Variants in JMJD1C observed in about 807,000 individuals in gnomAD.
JMJD1C encodes jumonji domain containing 1C, also known as jumonji domain-containing protein 1C.
Under a neutral mutation model 245.3 loss-of-function variants are expected in JMJD1C, and 31 were observed. The observed-to-expected ratio is 0.13, with a 90% CI of 0.09 to 0.17. The LOEUF (loss-of-function observed/expected upper bound fraction) is 0.17, where lower values mean the gene tolerates loss of function less well. JMJD1C is among the 10% of genes least tolerant of loss of function. The pLI, the probability that JMJD1C is intolerant of heterozygous loss-of-function variation, is 1.00. For missense variants in JMJD1C, 2,691 were observed against 3,000.2 expected (o/e 0.90, Z 2.41); for synonymous variants, 1,057 against 1,017.4 (o/e 1.04, Z -0.74).
chr10:63,277,278 C>A (rs1856885457), intron 2 of JMJD1C, among the ~76,000 whole-genome samples: 1 of 147,668 alleles, frequency 6.8e-6, no homozygotes, highest in Admixed American at 6.7e-5. Context: ...GGGCAACCGG[C>A]CTGAGCCACC....
At chr10:63,415,609 A>C (rs367842840) in intron 1 of JMJD1C, among the ~76,000 whole-genome samples, 3 of 152,232 alleles carry the variant, frequency 2.0e-5, no homozygotes, top group East Asian at 3.8e-4. Context: ...TGATAGGTAC[A>C]CACAGCCAAA....
At chr10:63,417,009 T>G (rs1429370915) in intron 1 of JMJD1C, among the ~76,000 whole-genome samples, 2 of 152,212 alleles carry the variant, frequency 1.3e-5, no homozygotes, top group Non-Finnish European at 2.9e-5. Context: ...ACTTTGCAAC[T>G]AATTCACATT....
chr10:63,426,660 C>CA (rs879781507), intron 1 of JMJD1C, among the ~76,000 whole-genome samples: 56 of 144,986 alleles, frequency 3.9e-4, no homozygotes, highest in East Asian at 1.2e-3. Flanking sequence ...GACTCCGTCT[C>CA]AAAAAAAAAA....
intron 1 of JMJD1C, among the ~76,000 whole-genome samples, chr10:63,515,651 C>T (rs1350331998): frequency 6.6e-6 from 1 of 152,266 alleles, no homozygotes; most frequent in Admixed American, 6.5e-5. Context: ...ATGTGGTTTG[C>T]CCTGTGACTT....
chr10:63,419,995 G>T (rs1460685428), intron 1 of JMJD1C, among the ~76,000 whole-genome samples: 5 of 151,884 alleles, frequency 3.3e-5, no homozygotes, highest in South Asian at 4.2e-4. Context: ...AATTAGCCGG[G>T]CATGATGGCG....
At chr10:63,293,628 C>T (rs1331621081) in intron 2 of JMJD1C, among the ~76,000 whole-genome samples, 4 of 152,102 alleles carry the variant, frequency 2.6e-5, no homozygotes, top group Non-Finnish European at 4.4e-5. Context: ...ATTCTGCATT[C>T]CTTTGAAACT....
At chr10:63,203,449 G>A in intron 10 of JMJD1C, 1 of 985,248 alleles carries the variant, frequency 1.0e-6, no homozygotes, top group Non-Finnish European at 1.2e-6. Context: ...ACAAATACTT[G>A]CCAAACATTA....
intron 1 of JMJD1C, among the ~76,000 whole-genome samples, chr10:63,443,030 CCCCAAT>C (rs1294056284): frequency 6.6e-6 from 1 of 152,198 alleles, no homozygotes; most frequent in Non-Finnish European, 1.5e-5. Flanking sequence ...GCATGGGGTT[CCCCAAT>C]CCTCTGATTG....
At chr10:63,463,505 A>C (rs903443140) in intron 1 of JMJD1C, among the ~76,000 whole-genome samples, 1 of 152,200 alleles carries the variant, frequency 6.6e-6, no homozygotes, top group Non-Finnish European at 1.5e-5. Context: ...GCAGTAATCA[A>C]AGTCGAACAG....
chr10:63,267,414 CAT>C (rs950452398), intron 2 of JMJD1C, among the ~76,000 whole-genome samples: 2 of 151,966 alleles, frequency 1.3e-5, no homozygotes, highest in African/African-American at 2.4e-5. Flanking sequence ...TAATAAAAAA[CAT>C]ATTTAAATAA....
At chr10:63,190,551 A>T (rs973584666) in intron 17 of JMJD1C, among the ~76,000 whole-genome samples, 1 of 152,148 alleles carries the variant, frequency 6.6e-6, no homozygotes, top group Non-Finnish European at 1.5e-5. Flanking sequence ...CCTGGTAAAT[A>T]ATTAAAGCAA....
At chr10:63,446,431 G>A (rs931275692) in intron 1 of JMJD1C, among the ~76,000 whole-genome samples, 1 of 152,166 alleles carries the variant, frequency 6.6e-6, no homozygotes, top group African/African-American at 2.4e-5. Context: ...AAGAGTCTGA[G>A]ATTTAGGGGA....
chr10:63,303,902 T>G (rs1860379659), intron 2 of JMJD1C, among the ~76,000 whole-genome samples: 1 of 152,182 alleles, frequency 6.6e-6, no homozygotes, highest in Admixed American at 6.5e-5. Context: ...CCAGATACTC[T>G]AAATTCATAC....
In JMJD1C at chr10:63,186,365, C is replaced by T. The variant is rs770262916; in HGVS notation, c.6589G>A (p.Val2197Met). The T allele has an allele frequency of 3.7e-6, 6 of 1,609,408 alleles. No individual in the cohort carries two copies. The South Asian group carries it at 5.6e-5, about 15-fold the overall frequency. ...AGGCTAATGTTCATTTTCTTATGCA[C>T]ACCAGAAACCACTGCAGGCTTATAA... The part of the protein sequence containing the change: ...KQGQPAVVSG[V>M]HKKMNISLWK... The change falls in exon 19 of 26, where the codon GTG (valine) becomes ATG (methionine). Residue 2197 changes from valine (V) to methionine (M), a missense_variant. Physicochemically the swap from Val to Met is conservative, Grantham distance 21 (BLOSUM62 1). Around this residue, in one of 9 missense-constraint regions of JMJD1C, gnomAD observed 232 missense variants for 416.1 expected, o/e 0.56. Coordinates refer to ENST00000399262, the MANE Select transcript of JMJD1C (RefSeq NM_032776.3).
chr10:63,465,701 C>G lies in JMJD1C; in HGVS notation c.-39G>C, dbSNP rs771287383. 8 of 1,600,544 alleles carry G rather than the reference C, an allele frequency of 5.0e-6. No individual in the cohort carries two copies. Among genetic ancestry groups the G allele is most frequent in the Admixed American group, 3.3e-5 (2 of 59,800 alleles). ...GAAGCGGCCGCTGCCTCCTCCAGTG[C>G]GAGGGAACCGATGAAACCTCACTCC... On this transcript the variant is annotated 5_prime_UTR_variant, in exon 1 of 26. Transcript: ENST00000399262.
rs750664230 is a variant in JMJD1C, at chr10:63,465,559, C to G, written c.104G>C (p.Arg35Pro). The change falls in exon 1 of 26, where the codon CGA becomes CCA. Residue 35 changes from arginine to proline, a missense_variant. By Grantham distance (103) the Arg-to-Pro change is moderately radical. Around this residue, in one of 9 missense-constraint regions of JMJD1C, gnomAD observed 135 missense variants for 115.5 expected, o/e 1.17. Coordinates refer to ENST00000399262, the MANE Select transcript of JMJD1C (RefSeq NM_032776.3). ...SERWESGRGW[R>P]SWRAGVIRAV... Reference sequence around the variant, plus strand: ...TCGGATGACCCCCGCTCGCCAGCTTCGCCAGCCGCGTCCGCTCTCCCAGCG... The same window carrying G: ...TCGGATGACCCCCGCTCGCCAGCTTGGCCAGCCGCGTCCGCTCTCCCAGCG... The G allele has an allele frequency of 8.7e-6, 14 of 1,604,076 alleles. 1 individual carries two copies. The South Asian group carries it at 1.5e-4, about 18-fold the overall frequency.
intron 2 of JMJD1C, among the ~76,000 whole-genome samples, chr10:63,378,628 A>G (rs1392627705): frequency 6.6e-6 from 1 of 152,166 alleles, no homozygotes; most frequent in African/African-American, 2.4e-5. Context: ...CTAAAGCTTT[A>G]TTAATTTTTT....
At chr10:63,514,014 C>G (rs1343263868) in intron 1 of JMJD1C, among the ~76,000 whole-genome samples, 1 of 152,070 alleles carries the variant, frequency 6.6e-6, no homozygotes, top group Non-Finnish European at 1.5e-5. Flanking sequence ...AAGCAGCCAA[C>G]AAACATGAAA....
intron 2 of JMJD1C, among the ~76,000 whole-genome samples, chr10:63,313,465 T>G (rs1041438309): frequency 2.6e-5 from 4 of 152,220 alleles, no homozygotes; most frequent in Admixed American, 1.3e-4. Flanking sequence ...CACCCAGTAG[T>G]GAGACTGCTG....
Sources: allele counts gnomAD v4.1 joint callset (sites outside exome capture counted in the v4.1 genomes callset), GRCh38; gene constraint gnomAD v4.1.1; regional missense constraint gnomAD v4.1.1; transcripts MANE v1.5; gene names NCBI Gene and HGNC (gene_info 2026-07-23, HGNC 2026-07-21).